Variants in ALG9 observed in about 807,000 individuals in gnomAD.
ALG9 encodes ALG9 alpha-1,2-mannosyltransferase, also known as alpha-1,2-mannosyltransferase ALG9.
Under a neutral mutation model 81.8 loss-of-function variants are expected in ALG9, and 55 were observed. The observed-to-expected ratio is 0.67, with a 90% confidence interval of 0.54 to 0.84. The LOEUF (loss-of-function observed/expected upper bound fraction) is 0.84, where lower values mean the gene tolerates loss of function less well. ALG9 is among the 40% of genes least tolerant of loss of function. The probability of loss-of-function intolerance (pLI) is 0.00; values close to 1 mark genes in which losing one functional copy is unlikely to be tolerated. For synonymous variants in ALG9, 278 were observed against 274.3 expected, an observed-to-expected ratio of 1.01 and a Z score of -0.13; for missense variants, 629 against 745.0, an observed-to-expected ratio of 0.84 and a Z score of 1.81.
rs1336262790 is a variant in ALG9 at position 111,853,257 on chromosome 11, G to A, written c.895+123C>T. The A allele has an allele frequency of 8.0e-6, 6 of 752,278 alleles. No homozygotes were observed. The East Asian group carries it at 1.6e-4, about 20-fold the overall frequency. The allele number at this position is 752,278 out of a possible 1,614,324, so 46.6% of individuals were successfully genotyped here. ...TATACTCAGATGTCATTTTTAAATAGGAAAAGATAATATCAGCCAAGAAAT... is the reference window on the plus strand; with the variant it reads ...TATACTCAGATGTCATTTTTAAATAAGAAAAGATAATATCAGCCAAGAAAT... On this transcript the variant is annotated intron_variant, in intron 8 of 14. Coordinates refer to ENST00000616540, the MANE Select transcript of ALG9 (RefSeq NM_024740.2).
rs781855985 is a variant in ALG9 at position 111,809,680 on chromosome 11, T to C, written c.1696A>G (p.Ile566Val). The C allele has an allele frequency of 1.2e-6, 2 of 1,614,140 alleles. No individual in the cohort carries two copies. The highest frequency in any genetic ancestry group is 2.2e-5 in the East Asian group (1 of 44,872). ...AGGAATGGTCTATAGGCCAAGCTGA[T>C]CCATTCTTCTTTATTGGATGAATAT... ...PKYSSNKEEW[I>V]SLAYRPFLDA... The change falls in exon 14 of 15, where the codon ATC becomes GTC. Residue 566 changes from isoleucine (I) to valine (V), a missense_variant. Physicochemically the swap from Ile to Val is conservative, Grantham distance 29. Transcript: ENST00000616540.
chr11:111,851,246 A>G (rs1555137858), intron 8 of ALG9, among the ~76,000 whole-genome samples: 2 of 152,176 alleles, frequency 1.3e-5, no homozygotes, highest in African/African-American at 2.4e-5. Context: ...TGGGAGGCCA[A>G]GACTGGTGGA....
Position 111,786,550 on chromosome 11 carries a change from T to C in ALG9, c.1734-30A>G. Reference sequence around the variant, plus strand: ...AAAACAAGGGATAAAAAAAAGAATTTTATCACTTGGGAGAATTTACTAATG... The same window carrying C: ...AAAACAAGGGATAAAAAAAAGAATTCTATCACTTGGGAGAATTTACTAATG... On this transcript the variant is annotated intron_variant, in intron 14 of 14. Coordinates refer to ENST00000616540, the MANE Select transcript of ALG9 (RefSeq NM_024740.2). 2.5e-6 allele frequency: 4 copies of C among 1,612,460 alleles called. No individual in the cohort carries two copies. The East Asian group carries it at 8.9e-5, about 36-fold the overall frequency.
At chr11:111,855,916 T>C (rs1226250599) in intron 6 of ALG9, among the ~76,000 whole-genome samples, 1 of 152,110 alleles carries the variant, frequency 6.6e-6, no homozygotes, top group Non-Finnish European at 1.5e-5. Flanking sequence ...ACTATTCTCT[T>C]AGTAACTCCC....
chr11:111,786,215 G>C lies in ALG9; in HGVS notation c.*182C>G, dbSNP rs1391589481. The C allele has an allele frequency of 1.1e-6, 1 of 933,400 alleles. No homozygotes were observed. Among genetic ancestry groups the C allele is most frequent in the Admixed American group, 2.0e-5 (1 of 50,622 alleles). 57.8% of individuals were successfully genotyped at this position (933,400 alleles called of 1,614,324 possible). ...ACATGCAGAACAGAGACACACACAG[G>C]GAGCAAATGTGACTTTGATTAGACT... On this transcript the variant is annotated 3_prime_UTR_variant, in exon 15 of 15. Transcript: ENST00000616540.
intron 6 of ALG9, among the ~76,000 whole-genome samples, chr11:111,855,913 T>C (rs1280553172): frequency 6.6e-6 from 1 of 152,120 alleles, no homozygotes; most frequent in East Asian, 1.9e-4. Context: ...TGGACTATTC[T>C]CTTAGTAACT....
At chr11:111,804,627 C>T (rs75488387) in intron 14 of ALG9, among the ~76,000 whole-genome samples, 1 of 152,182 alleles carries the variant, frequency 6.6e-6, no homozygotes, top group South Asian at 2.1e-4. Context: ...AGAAAATGAA[C>T]AACCGGATTA....
intron 9 of ALG9, among the ~76,000 whole-genome samples, chr11:111,844,135 A>G (rs950342208): frequency 2.0e-5 from 3 of 151,832 alleles, no homozygotes; most frequent in South Asian, 2.1e-4. Flanking sequence ...CTCCCTAGTA[A>G]GTGGGATTAC....
Position 111,864,837 on chromosome 11 carries a change from GC to G in ALG9, c.476+343del, listed in dbSNP as rs1961745710. Reference sequence around the variant, plus strand: ...TTATCGCCCAGGCTGGAGTGCAATGGCACAATCTCAGCTCACCACAACCTCC... The same window carrying G: ...TTATCGCCCAGGCTGGAGTGCAATGGACAATCTCAGCTCACCACAACCTCC... On this transcript the variant is annotated intron_variant, in intron 4 of 14. Coordinates refer to ENST00000616540, the MANE Select transcript of ALG9 (RefSeq NM_024740.2). Among the ~76,000 whole-genome samples the G allele has an allele frequency of 2.0e-5, 3 of 152,048 alleles. No homozygotes were observed. The South Asian group carries it at 6.2e-4, about 32-fold the overall frequency.
intron 14 of ALG9, chr11:111,805,287 T>C (rs1431480382): frequency 2.2e-6 from 1 of 456,190 alleles, no homozygotes; most frequent in Non-Finnish European, 4.4e-6. Flanking sequence ...TATACTGGCA[T>C]CGTGATCTTG....
rs372845941 is a variant in ALG9 at position 111,869,302 on chromosome 11, TCTTC to T, written c.271-570_271-567del. Among the ~76,000 whole-genome samples, 25 of 152,318 alleles carry T rather than the reference TCTTC, an allele frequency of 1.6e-4. No individual in the cohort carries two copies. The East Asian group carries it at 2.3e-3, about 14-fold the overall frequency. ...TCCTTAAACAACCTACACTTAACAG[TCTTC>T]CTTCATTTTTTTAATTCAAAATGTG... On this transcript the variant is annotated intron_variant, in intron 2 of 14. Coordinates refer to ENST00000616540, the MANE Select transcript of ALG9 (RefSeq NM_024740.2).
rs782652453 is a variant in ALG9, at chr11:111,836,284, G to A, written c.1483C>T (p.Gln495Ter). Residue 495 changes from glutamine (Q) to a stop codon, truncating the protein, a stop_gained, in exon 13 of 15, where the codon CAG (glutamine) becomes TAG (stop). Transcript: ENST00000616540. LOFTEE classifies it high-confidence loss of function. ...CCTCTGAACTCTGATGGAATGAACT[G>A]AAGCTGCCAACTGTCAGAAACACAA... ...SFLLPDNWQL[Q>*]FIPSEFRGQL... 6.2e-7 allele frequency: 1 copy of A among 1,614,092 alleles called. No individual in the cohort carries two copies. Among genetic ancestry groups the A allele is most frequent in the South Asian group, 1.1e-5 (1 of 91,082 alleles).
chr11:111,863,326 C>A (rs1262820580), intron 4 of ALG9, among the ~76,000 whole-genome samples: 3 of 152,116 alleles, frequency 2.0e-5, no homozygotes, highest in African/African-American at 7.2e-5. Flanking sequence ...CCACTGCACT[C>A]CAGCCTGGGT....
chr11:111,824,144 T>C (rs1325137041), intron 13 of ALG9, among the ~76,000 whole-genome samples: 2 of 152,250 alleles, frequency 1.3e-5, no homozygotes, highest in Admixed American at 6.5e-5. Context: ...TAACAAATTC[T>C]GGGTTTCTTT....
intron 10 of ALG9, among the ~76,000 whole-genome samples, chr11:111,838,753 T>A (rs545840212): frequency 6.6e-6 from 1 of 152,330 alleles, no homozygotes; most frequent in East Asian, 1.9e-4. Flanking sequence ...TGAGTACTAA[T>A]CTTTACTATC....
chr11:111,859,124 A>G (rs1387558652), intron 5 of ALG9, among the ~76,000 whole-genome samples: 3 of 152,196 alleles, frequency 2.0e-5, no homozygotes, highest in Non-Finnish European at 4.4e-5. Context: ...AAAGACTGCT[A>G]GAGCCCAGGA....
intron 8 of ALG9, among the ~76,000 whole-genome samples, chr11:111,850,184 G>A (rs558957583): frequency 7.2e-5 from 11 of 152,138 alleles, no homozygotes; most frequent in South Asian, 2.1e-4. Context: ...TTGGTATCAC[G>A]AAAATCTCAA....
intron 14 of ALG9, among the ~76,000 whole-genome samples, chr11:111,800,582 A>G (rs907030516): frequency 3.3e-5 from 5 of 151,972 alleles, no homozygotes; most frequent in African/African-American, 1.2e-4. Context: ...CTGCCTAACC[A>G]GCTGACTTAA....
intron 3 of ALG9, among the ~76,000 whole-genome samples, chr11:111,865,843 C>A (rs1405139673): frequency 6.6e-6 from 1 of 151,856 alleles, no homozygotes; most frequent in African/African-American, 2.4e-5. Context: ...TTCCTCCTAT[C>A]TTCCAAAGTT....
Sources: allele counts gnomAD v4.1 joint callset (sites outside exome capture counted in the v4.1 genomes callset), GRCh38; gene constraint gnomAD v4.1.1; transcripts MANE v1.5; gene names NCBI Gene and HGNC (gene_info 2026-07-23, HGNC 2026-07-21).